LOXL3: variants seen among roughly 807,000 people sequenced by gnomAD.
The protein encoded by LOXL3 is lysyl oxidase homolog 3.
A neutral mutation model predicts 91.8 loss-of-function variants in LOXL3; 60 were observed. The observed-to-expected ratio is 0.65, with a 90% CI of 0.53 to 0.81. LOXL3 has a LOEUF of 0.81. LOXL3 is among the 30% of genes least tolerant of loss of function. The pLI is 0.00. For missense variants in LOXL3, 874 were observed against 1,000.4 expected, an observed-to-expected ratio of 0.87 and a Z score of 1.70; for synonymous variants, 355 against 387.6, an observed-to-expected ratio of 0.92 and a Z score of 0.99.
At chr2:74,538,366 G>A (rs533305072) in intron 4 of LOXL3, among the ~76,000 whole-genome samples, 1 of 152,306 alleles carries the variant, frequency 6.6e-6, no homozygotes, top group East Asian at 1.9e-4. Context: ...CACCAGAGAA[G>A]CTGGGGAATG....
At position 74,533,246 on chromosome 2, in the gene LOXL3, T is replaced by C. The variant is rs1289302954; in HGVS notation, c.*360A>G. On this transcript the variant is annotated 3_prime_UTR_variant, in exon 14 of 14. Transcript: ENST00000264094. Reference sequence around the variant, plus strand: ...CACCAAAAGGCTAGAGGTAAAGCTGTATCCCCCTAAACTTAGGGGAGATAC... The same window carrying C: ...CACCAAAAGGCTAGAGGTAAAGCTGCATCCCCCTAAACTTAGGGGAGATAC... 7.2e-6 allele frequency: 4 copies of C among 557,114 alleles called. No homozygotes were observed. The Admixed American group carries it at 9.3e-5, about 13-fold the overall frequency. 34.5% of individuals were successfully genotyped at this position (557,114 alleles called of 1,614,324 possible). A position where few individuals can be genotyped will look rare whatever the true frequency, so the allele number is the denominator to read the frequency against.
At chr2:74,554,505 G>A (rs1677252824), upstream of LOXL3, 2 of 562,760 alleles carry the variant, frequency 3.6e-6, no homozygotes, top group South Asian at 2.1e-5. The surrounding 1 kb of genome is among the most constrained non-coding windows in gnomAD (Gnocchi z 4.9). Flanking sequence ...CGCCAAAACC[G>A]AGGACTTTCG....
chr2:74,534,920 C>G, intron 9 of LOXL3, 146 bp from the exon 10 acceptor site: 1 of 998,866 alleles, frequency 1.0e-6, no homozygotes, highest in Admixed American at 2.7e-5. Context: ...ACTCTGTTGC[C>G]GAGGCTGGAA....
chr2:74,535,329 T>C lies in LOXL3; in HGVS notation c.1542A>G (p.Thr514=), dbSNP rs1675951208. Residue 514 remains threonine, a synonymous_variant, in exon 9 of 14, where the codon ACA becomes ACG. Coordinates refer to ENST00000264094, the MANE Select transcript of LOXL3 (RefSeq NM_032603.5). The surrounding 1 kb of genome is among the most constrained non-coding windows in gnomAD (Gnocchi z 4.2). ...TGACTCCAGCAGTGAAGCGGGTCCC[T>C]GTCCTCTTGCAGGTGATGTGGGTGC... ...HHGTHITCKR[T]GTRFTAGVIC... 3.7e-6 allele frequency: 6 copies of C among 1,613,926 alleles called. 1 individual carries two copies. Among genetic ancestry groups the C allele is most frequent in the Non-Finnish European group, 5.1e-6 (6 of 1,180,020 alleles).
chr2:74,550,529 A>C (rs1327350621), intron 2 of LOXL3, among the ~76,000 whole-genome samples, 181 bp from the exon 3 acceptor site: 1 of 152,142 alleles, frequency 6.6e-6, no homozygotes, highest in East Asian at 1.9e-4. Context: ...AGGGGGCATA[A>C]GATTGAGGGA....
chr2:74,535,702 T>A lies in LOXL3; in HGVS notation c.1302A>T (p.Ile434=). The A allele has an allele frequency of 5.0e-6, 8 of 1,604,500 alleles. No individual in the cohort carries two copies. Among genetic ancestry groups the A allele is most frequent in the Non-Finnish European group, 6.8e-6 (8 of 1,177,322 alleles). ...SQHEGRVEVQ[I]GGPGPLRWGL... is the part of the protein sequence containing the mutation. Reference sequence around the variant, plus strand: ...CCCAGCGAAGGGGCCCAGGTCCCCCTATTTGCACCTCGACTCGCCCCTCAT... The same window carrying A: ...CCCAGCGAAGGGGCCCAGGTCCCCCAATTTGCACCTCGACTCGCCCCTCAT... Residue 434 remains isoleucine, a synonymous_variant, in exon 8 of 14, where the codon ATA becomes ATT. Coordinates refer to ENST00000264094, the MANE Select transcript of LOXL3 (RefSeq NM_032603.5). The surrounding 1 kb of genome is among the most constrained non-coding windows in gnomAD (Gnocchi z 4.2).
At chr2:74,546,139 G>C (rs561856861) in intron 4 of LOXL3, among the ~76,000 whole-genome samples, 13 of 152,192 alleles carry the variant, frequency 8.5e-5, no homozygotes, top group South Asian at 8.3e-4. Context: ...GCCTTCAACT[G>C]TCTGTAAATC....
Position 74,536,507 on chromosome 2 carries a change from G to A in LOXL3, c.913-36C>T. 6.3e-7 allele frequency: 1 copy of A among 1,590,306 alleles called. No homozygotes were observed. The highest frequency in any genetic ancestry group is 8.6e-7 in the Non-Finnish European group (1 of 1,166,706). On this transcript the variant is annotated intron_variant, in intron 5 of 13. Transcript: ENST00000264094. The surrounding 1 kb of genome is among the most constrained non-coding windows in gnomAD (Gnocchi z 4.5). ...GAGAAGTGCCCAACAGAGGCAAATG[G>A]CAACATCTGCACGGAGGGCTAAGCA... is the stretch of plus-strand genomic sequence containing the variant.
At chr2:74,555,653 A>G (rs1390810089), upstream of LOXL3, 2 of 1,614,058 alleles carry the variant, frequency 1.2e-6, no homozygotes, top group African/African-American at 2.7e-5. This position sits in a 1 kb window ranked among gnomAD's most constrained non-coding sequence, Gnocchi z 6.1. Context: ...CTCCTTGTAC[A>G]GCCCTACCTG....
intron 4 of LOXL3, among the ~76,000 whole-genome samples, chr2:74,544,901 C>A (rs1676516786): frequency 6.6e-6 from 1 of 152,200 alleles, no homozygotes; most frequent in African/African-American, 2.4e-5. Context: ...ATCACAGAAT[C>A]TCCCAGGGCT....
At position 74,549,685 on chromosome 2, in the gene LOXL3, T is replaced by C; in HGVS notation, c.478-102A>G. On this transcript the variant is annotated intron_variant, in intron 3 of 13. Coordinates refer to ENST00000264094, the MANE Select transcript of LOXL3 (RefSeq NM_032603.5). This position sits in a 1 kb window ranked among gnomAD's most constrained non-coding sequence, Gnocchi z 5.3. ...CTTGGTGTGCCTGCTGTAAACCCAGTGGCGGGATGGGCCCGAGGCGGCGCT... is the reference window on the plus strand; with the variant it reads ...CTTGGTGTGCCTGCTGTAAACCCAGCGGCGGGATGGGCCCGAGGCGGCGCT... 1.4e-6 allele frequency: 2 copies of C among 1,460,512 alleles called. No individual in the cohort carries two copies. Among genetic ancestry groups the C allele is most frequent in the East Asian group, 5.0e-5 (2 of 40,096 alleles). The allele number at this position is 1,460,512 out of a possible 1,614,324, so 90.5% of individuals were successfully genotyped here. A position where few individuals can be genotyped will look rare whatever the true frequency, so the allele number is the denominator to read the frequency against.
rs1675822710 is a variant in LOXL3 at position 74,533,970 on chromosome 2, T to C, written c.2100A>G (p.Glu700=). 6.2e-7 allele frequency: 1 copy of C among 1,614,166 alleles called. No homozygotes were observed. Among genetic ancestry groups the C allele is most frequent in the Non-Finnish European group, 8.5e-7 (1 of 1,180,010 alleles). The change falls in exon 13 of 14, where the codon GAA becomes GAG. Residue 700 remains glutamate (E), a synonymous_variant. Transcript: ENST00000264094. ...ILQVVINPNF[E]VAESDFTNNA... The stretch of plus-strand genomic sequence containing the variant: ...TGTTGGTAAAGTCACTCTCTGCTAC[T>C]TCAAAGTTTGGGTTGATGACAACCT...
chr2:74,554,826 C>T (rs762588482), upstream of LOXL3: 2 of 1,613,920 alleles, frequency 1.2e-6, no homozygotes, highest in South Asian at 1.1e-5. This position sits in a 1 kb window ranked among gnomAD's most constrained non-coding sequence, Gnocchi z 4.9. Context: ...TAGTCTGGCG[C>T]ATGGATGCCG....
rs1676839616 is a variant in LOXL3 at position 74,549,369 on chromosome 2, C to T, written c.692G>A (p.Arg231Lys). 6.3e-7 allele frequency: 1 copy of T among 1,596,582 alleles called. No individual in the cohort carries two copies. Among genetic ancestry groups the T allele is most frequent in the South Asian group, 1.1e-5 (1 of 88,764 alleles). The change falls in exon 4 of 14, where the codon AGG (arginine) becomes AAG (lysine). Residue 231 changes from arginine (R) to lysine (K), a missense_variant and splice_region_variant. Coordinates refer to ENST00000264094, the MANE Select transcript of LOXL3 (RefSeq NM_032603.5). This position sits in a 1 kb window ranked among gnomAD's most constrained non-coding sequence, Gnocchi z 5.3. ...CCGCCCGGCGCCCGCGGCCCCTCACCTGTAGAAGGCCGCGTTGACCCTCTT... is the reference window on the plus strand; with the variant it reads ...CCGCCCGGCGCCCGCGGCCCCTCACTTGTAGAAGGCCGCGTTGACCCTCTT... ...SEKRVNAAFY[R>K]LLAQRQQHSF...
At chr2:74,552,997 G>A in intron 1 of LOXL3, 1 of 243,854 alleles carries the variant, frequency 4.1e-6, no homozygotes, top group Non-Finnish European at 7.9e-6. Context: ...AAGGGAGACT[G>A]TGGGAATGAG....
upstream of LOXL3, chr2:74,555,102 C>T: frequency 1.3e-6 from 2 of 1,559,960 alleles, no homozygotes; most frequent in Admixed American, 1.8e-5. The surrounding 1 kb of genome is among the most constrained non-coding windows in gnomAD (Gnocchi z 6.1). Context: ...CGTCGGGACC[C>T]GGGCCGCCTG....
In LOXL3 at chr2:74,532,291, C is replaced by A; in HGVS notation, c.*1315G>T. ...TCCCATGTTTTTTATTTATGCTGTT[C>A]TTGTTTTATATGGTTAATATCAGAT... On this transcript the variant is annotated 3_prime_UTR_variant, in exon 14 of 14. Transcript: ENST00000264094. 1 of 476,688 alleles carries A rather than the reference C, an allele frequency of 2.1e-6. No homozygotes were observed. Among genetic ancestry groups the A allele is most frequent in the Non-Finnish European group, 3.8e-6 (1 of 261,614 alleles). The allele number at this position is 476,688 out of a possible 1,614,324, so 29.5% of individuals were successfully genotyped here. A position where few individuals can be genotyped will look rare whatever the true frequency, so the allele number is the denominator to read the frequency against.
intron 4 of LOXL3, among the ~76,000 whole-genome samples, chr2:74,543,917 A>G (rs1330183474): frequency 6.6e-6 from 1 of 151,094 alleles, no homozygotes; most frequent in Non-Finnish European, 1.5e-5. Flanking sequence ...AAAAAAAAAA[A>G]AAAAAAGAAA....
intron 1 of LOXL3, chr2:74,553,198 A>G (rs1213906416): frequency 6.5e-6 from 1 of 152,908 alleles, no homozygotes; most frequent in East Asian, 1.9e-4. Context: ...AGACAGCTGT[A>G]CTGATTGTGC....
Sources: gnomAD v4.1 joint callset for allele counts (sites outside exome capture counted in the v4.1 genomes callset) on GRCh38, gnomAD v4.1.1 for gene constraint, Gnocchi (gnomAD v3.1) non-coding constraint, MANE v1.5 for transcripts, NCBI Gene and HGNC (gene_info 2026-07-23, HGNC 2026-07-21) for gene names.